SYT1: variants seen among roughly 807,000 people sequenced by gnomAD.
The protein encoded by SYT1 is synaptotagmin-1.
A neutral mutation model predicts 44.8 loss-of-function variants in SYT1; 8 were observed. The observed-to-expected ratio is 0.18, with a 90% CI of 0.10 to 0.32. The LOEUF (loss-of-function observed/expected upper bound fraction) is 0.32. Among genes scored for constraint, SYT1 ranks in the 10% least tolerant of loss-of-function variants. The pLI, the probability that SYT1 is intolerant of heterozygous loss-of-function variation, is 1.00. For missense variants in SYT1, 286 were observed against 509.3 expected (o/e 0.56, Z 4.22); for synonymous variants, 154 against 188.8 (o/e 0.82, Z 1.51).
intron 2 of SYT1, among the ~76,000 whole-genome samples, chr12:79,000,470 T>G (rs1241478465): frequency 6.6e-6 from 1 of 152,000 alleles, no homozygotes; most frequent in Non-Finnish European, 1.5e-5. Context: ...CAGATAATTT[T>G]GTACTTTTAG....
At chr12:78,938,079 A>C (rs868720482) in intron 1 of SYT1, among the ~76,000 whole-genome samples, 72 of 151,810 alleles carry the variant, frequency 4.7e-4, no homozygotes, top group African/African-American at 8.0e-4. Context: ...TAAAATAATT[A>C]CAACTAGGGC....
chr12:79,389,819 G>A (rs575535581), intron 9 of SYT1, among the ~76,000 whole-genome samples: 75 of 152,070 alleles, frequency 4.9e-4, no homozygotes, highest in African/African-American at 1.8e-3. Flanking sequence ...CAATTTCCCA[G>A]CTCTGTAGGT....
intron 9 of SYT1, among the ~76,000 whole-genome samples, chr12:79,374,432 C>G (rs771660849): frequency 3.6e-4 from 55 of 152,190 alleles, no homozygotes; most frequent in Non-Finnish European, 6.2e-4. Flanking sequence ...ATTCATTAAC[C>G]AGAAGGACAG....
At chr12:79,186,144 TG>T (rs981173371) in intron 3 of SYT1, among the ~76,000 whole-genome samples, 4 of 152,052 alleles carry the variant, frequency 2.6e-5, no homozygotes, top group African/African-American at 9.6e-5. Context: ...TGGTATCTTC[TG>T]GATTTTACTT....
chr12:79,047,780 G>T (rs1874181322), intron 3 of SYT1, among the ~76,000 whole-genome samples: 2 of 151,700 alleles, frequency 1.3e-5, no homozygotes, highest in African/African-American at 4.8e-5. Context: ...TCACTAAATT[G>T]GGATTATTAA....
intron 1 of SYT1, among the ~76,000 whole-genome samples, chr12:78,932,679 A>AT (rs981338207): frequency 1.6e-4 from 24 of 152,066 alleles, no homozygotes; most frequent in African/African-American, 5.8e-4. Flanking sequence ...TCTCCTTGTA[A>AT]TTTTATTTTC....
At chr12:79,430,646 G>A (rs927141903) in intron 9 of SYT1, among the ~76,000 whole-genome samples, 41 of 152,296 alleles carry the variant, frequency 2.7e-4, no homozygotes, top group African/African-American at 9.6e-4. Context: ...AATTAGCCAG[G>A]TGTTGTGGTG....
chr12:78,934,977 T>C (rs1472908382), intron 1 of SYT1, among the ~76,000 whole-genome samples: 1 of 152,208 alleles, frequency 6.6e-6, no homozygotes, highest in Non-Finnish European at 1.5e-5. Context: ...TCTCGTCTCG[T>C]GCTCCACGGA....
intron 4 of SYT1, among the ~76,000 whole-genome samples, chr12:79,224,573 G>T (rs1351811767): frequency 6.6e-6 from 1 of 151,898 alleles, no homozygotes; most frequent in African/African-American, 2.4e-5. Flanking sequence ...TGAACGAGGT[G>T]GAGACTGGCA....
At chr12:79,052,665 AAAC>A (rs1874597112) in intron 3 of SYT1, among the ~76,000 whole-genome samples, 1 of 89,288 alleles carries the variant, frequency 1.1e-5, no homozygotes, top group Non-Finnish European at 3.5e-5. Flanking sequence ...TACAAGAAAA[AAAC>A]AAACAACCCC....
chr12:79,041,971 A>G (rs1234113735), intron 2 of SYT1, among the ~76,000 whole-genome samples: 1 of 152,134 alleles, frequency 6.6e-6, no homozygotes, highest in Non-Finnish European at 1.5e-5. Context: ...CCCAGTGATG[A>G]AGCCCACTTG....
intron 9 of SYT1, among the ~76,000 whole-genome samples, chr12:79,428,333 C>T (rs1476584511): frequency 2.0e-5 from 3 of 152,168 alleles, no homozygotes; most frequent in Non-Finnish European, 4.4e-5. Context: ...TCAAGTCCAA[C>T]AGAATACACT....
At chr12:79,140,833 C>T (rs1869511283) in intron 3 of SYT1, among the ~76,000 whole-genome samples, 2 of 152,174 alleles carry the variant, frequency 1.3e-5, no homozygotes, top group South Asian at 4.1e-4. Flanking sequence ...AACAGATTGC[C>T]AGCACCCCTG....
rs139655546 is a variant in SYT1 at position 79,202,425 on chromosome 12, T to C, written c.-17-15078T>C. On this transcript the variant is annotated intron_variant, in intron 3 of 10. Transcript: ENST00000261205. ...TGGGTTTGTCAAGACGAAGGAAAGA[T>C]GTGAAAATTCGCCATGGACATATCC... Among the ~76,000 whole-genome samples the C allele has an allele frequency of 1.8e-3, 271 of 152,292 alleles. 2 individuals are homozygous for C. The highest frequency in any genetic ancestry group is 9.9e-3 in the Admixed American group (152 of 15,292).
At chr12:79,149,851 C>A (rs1479068809) in intron 3 of SYT1, among the ~76,000 whole-genome samples, 1 of 152,166 alleles carries the variant, frequency 6.6e-6, no homozygotes, top group African/African-American at 2.4e-5. Flanking sequence ...TGGCCCCACA[C>A]CTTCTCTCTT....
intron 9 of SYT1, among the ~76,000 whole-genome samples, chr12:79,416,616 A>G (rs1210294522): frequency 6.6e-6 from 1 of 152,164 alleles, no homozygotes; most frequent in Non-Finnish European, 1.5e-5. Context: ...AGCTAATAAT[A>G]CACTAAGGCT....
chr12:79,109,403 A>G (rs1409399321), intron 3 of SYT1, among the ~76,000 whole-genome samples: 2 of 152,220 alleles, frequency 1.3e-5, no homozygotes, highest in African/African-American at 4.8e-5. Context: ...CAGAGAAGTT[A>G]CATGAATGTC....
At chr12:79,161,850 C>A (rs1870967847) in intron 3 of SYT1, among the ~76,000 whole-genome samples, 1 of 152,050 alleles carries the variant, frequency 6.6e-6, no homozygotes, top group South Asian at 2.1e-4. Flanking sequence ...AGTATAATAT[C>A]AAACCCAAAT....
In SYT1 at chr12:79,345,379, T is replaced by C. The variant is rs368230246; in HGVS notation, c.811-8123T>C. On this transcript the variant is annotated intron_variant, in intron 8 of 10. Coordinates refer to ENST00000261205, the MANE Select transcript of SYT1 (RefSeq NM_005639.3). Reference sequence around the variant, plus strand: ...CCTCCTATAGCATTTGTGCCACTTCTGTAGTACAGTCAATGCATTATATTT... The same window carrying C: ...CCTCCTATAGCATTTGTGCCACTTCCGTAGTACAGTCAATGCATTATATTT... Among the ~76,000 whole-genome samples, 7 of 152,350 alleles carry C rather than the reference T, an allele frequency of 4.6e-5. 1 individual carries two copies. The highest frequency in any genetic ancestry group is 3.3e-4 in the Admixed American group (5 of 15,308).
Sources: gnomAD v4.1 joint callset for allele counts (sites outside exome capture counted in the v4.1 genomes callset) on GRCh38, gnomAD v4.1.1 for gene constraint, MANE v1.5 for transcripts, NCBI Gene and HGNC (gene_info 2026-07-23, HGNC 2026-07-21) for gene names.